The following GARRE1 variants were observed in gnomAD, a reference collection of about 807,000 sequenced individuals.
GARRE1 encodes the protein granule associated Rac and RHOG effector 1.
Under a neutral mutation model 103.2 loss-of-function variants are expected in GARRE1, and 49 were observed. The observed-to-expected ratio is 0.47, with a 90% CI of 0.38 to 0.60. The LOEUF (loss-of-function observed/expected upper bound fraction) is 0.60, where lower values mean the gene tolerates loss of function less well. GARRE1 is among the 20% of genes least tolerant of loss of function. The pLI, the probability that GARRE1 is intolerant of heterozygous loss-of-function variation, is 0.00. For synonymous variants in GARRE1, 505 were observed against 532.8 expected, an observed-to-expected ratio of 0.95 and a Z score of 0.72; for missense variants, 1,199 against 1,370.5, an observed-to-expected ratio of 0.87 and a Z score of 1.98.
chr19:34,326,921 G>A (rs1416848652), intron 3 of GARRE1, among the ~76,000 whole-genome samples: 2 of 152,062 alleles, frequency 1.3e-5, no homozygotes, highest in African/African-American at 4.8e-5. Flanking sequence ...TCGGGAGGCC[G>A]AGGTGGGTGG....
chr19:34,330,901 ATTTT>A (rs35469834), intron 7 of GARRE1, among the ~76,000 whole-genome samples: 1 of 138,398 alleles, frequency 7.2e-6, no homozygotes, highest in Non-Finnish European at 1.6e-5. Context: ...CATCTGGCTA[ATTTT>A]TTTTTTTTTT....
At chr19:34,352,223 G>A (rs1315287871) in intron 13 of GARRE1, among the ~76,000 whole-genome samples, 3 of 151,898 alleles carry the variant, frequency 2.0e-5, no homozygotes, top group African/African-American at 7.3e-5. Flanking sequence ...CTAACACGGT[G>A]AAATCCCATC....
chr19:34,258,775 G>GGT (rs1435997843), intron 1 of GARRE1, among the ~76,000 whole-genome samples: 4 of 147,310 alleles, frequency 2.7e-5, no homozygotes, highest in Non-Finnish European at 4.5e-5. Flanking sequence ...GGGCGACAGA[G>GGT]TAAGACTCCG....
At chr19:34,349,556 G>A (rs564365234) in intron 12 of GARRE1, among the ~76,000 whole-genome samples, 19 of 152,308 alleles carry the variant, frequency 1.2e-4, no homozygotes, top group South Asian at 8.3e-4. Flanking sequence ...TCTGAATGGC[G>A]TTTCAAAGTT....
intron 4 of GARRE1, 47 bp downstream of exon 4, chr19:34,327,608 A>G (rs1568307430): frequency 3.7e-6 from 6 of 1,600,986 alleles, no homozygotes; most frequent in Non-Finnish European, 5.1e-6. Context: ...GATAGAAACA[A>G]GGGAGGGAGT....
At position 34,311,952 on chromosome 19, in the gene GARRE1, A is replaced by AT. The variant is rs533895664; in HGVS notation, c.496-7946dup. On this transcript the variant is annotated intron_variant, in intron 2 of 13. Transcript: ENST00000299505. ...AGCCACTGTATTGGTTTTGGGTTTG[A>AT]TTTTTTTTTAATTAAAAATTATTAT... Among the ~76,000 whole-genome samples, 75 of 150,976 alleles carry AT rather than the reference A, an allele frequency of 5.0e-4. 1 individual carries two copies. Among genetic ancestry groups the AT allele is most frequent in the South Asian group, 4.4e-3 (21 of 4,746 alleles).
intron 1 of GARRE1, among the ~76,000 whole-genome samples, chr19:34,259,545 C>T (rs1218681533): frequency 6.6e-6 from 1 of 152,202 alleles, no homozygotes; most frequent in Admixed American, 6.5e-5. Flanking sequence ...TTATAAGTGC[C>T]TAGAAGGGGA....
chr19:34,284,569 G>T (rs1418869308), intron 1 of GARRE1, among the ~76,000 whole-genome samples: 1 of 152,170 alleles, frequency 6.6e-6, no homozygotes, highest in Admixed American at 6.6e-5. Flanking sequence ...ATGTTGAAAA[G>T]ATGTTACTTA....
intron 1 of GARRE1, among the ~76,000 whole-genome samples, chr19:34,287,370 T>G (rs960667755): frequency 6.6e-6 from 1 of 152,130 alleles, no homozygotes; most frequent in Non-Finnish European, 1.5e-5. Flanking sequence ...TTGCCCAGAC[T>G]GGACTCGAAG....
chr19:34,346,560 A>G (rs111797228), intron 10 of GARRE1, among the ~76,000 whole-genome samples: 3 of 152,182 alleles, frequency 2.0e-5, no homozygotes, highest in Non-Finnish European at 4.4e-5. Context: ...GGCCAAAGTC[A>G]TCATCTGATT....
chr19:34,310,672 A>G (rs971643577), intron 2 of GARRE1, among the ~76,000 whole-genome samples: 1 of 152,230 alleles, frequency 6.6e-6, no homozygotes, highest in South Asian at 2.1e-4. Flanking sequence ...GACAAGGACA[A>G]TAAAAGCACT....
chr19:34,309,307 T>C (rs991827195), intron 2 of GARRE1, among the ~76,000 whole-genome samples: 2 of 152,128 alleles, frequency 1.3e-5, no homozygotes, highest in Non-Finnish European at 2.9e-5. Flanking sequence ...AGTTAAGCAA[T>C]ATAACAACCA....
intron 1 of GARRE1, among the ~76,000 whole-genome samples, chr19:34,284,926 A>G (rs1277261563): frequency 6.6e-6 from 1 of 152,172 alleles, no homozygotes; most frequent in Non-Finnish European, 1.5e-5. Flanking sequence ...GCACGGTGGC[A>G]TATGCCTGTA....
At chr19:34,304,697 G>A (rs1366381031) in intron 2 of GARRE1, among the ~76,000 whole-genome samples, 1 of 151,730 alleles carries the variant, frequency 6.6e-6, no homozygotes, top group African/African-American at 2.4e-5. Flanking sequence ...ATTTCTAATT[G>A]TTTCTATGAT....
chr19:34,343,584 GC>G (rs2074197038), intron 10 of GARRE1, among the ~76,000 whole-genome samples: 1 of 151,962 alleles, frequency 6.6e-6, no homozygotes, highest in Admixed American at 6.6e-5. Context: ...GATGTCTCAT[GC>G]CTGTAATTTC....
chr19:34,303,495 G>A lies in GARRE1; in HGVS notation c.495+2527G>A, dbSNP rs143674245. The stretch of plus-strand genomic sequence containing the variant: ...AAGGAATTTCCAAGAAGAACTTAGA[G>A]TTATTTCTTAAGAGACACAGCATCA... On this transcript the variant is annotated intron_variant, in intron 2 of 13. Coordinates refer to ENST00000299505, the MANE Select transcript of GARRE1 (RefSeq NM_014686.5). Among the ~76,000 whole-genome samples the A allele has an allele frequency of 5.2e-3, 793 of 152,336 alleles. 4 individuals are homozygous for A. Among genetic ancestry groups the A allele is most frequent in the Non-Finnish European group, 8.2e-3 (559 of 68,028 alleles).
In GARRE1 at chr19:34,333,685, T is replaced by G. The variant is rs2074147767; in HGVS notation, c.1264-19T>G. ...AAAGCTGGTTGTTATTTGTTTTTTTTTTTTTTTTTCGATCTTAGGTGGTGG... is the reference window on the plus strand; with the variant it reads ...AAAGCTGGTTGTTATTTGTTTTTTTGTTTTTTTTTCGATCTTAGGTGGTGG... On this transcript the variant is annotated intron_variant, in intron 7 of 13. Coordinates refer to ENST00000299505, the MANE Select transcript of GARRE1 (RefSeq NM_014686.5). 1 of 1,263,264 alleles carries G rather than the reference T, an allele frequency of 7.9e-7. No homozygotes were observed. The allele number at this position is 1,263,264 out of a possible 1,614,324, so 78.3% of individuals were successfully genotyped here.
intron 2 of GARRE1, among the ~76,000 whole-genome samples, chr19:34,307,677 A>G (rs2074014523): frequency 4.0e-5 from 2 of 50,130 alleles, no homozygotes; most frequent in East Asian, 2.9e-4. Flanking sequence ...ATACTTATAT[A>G]TACATATATA....
At chr19:34,264,789 G>T (rs2073741738) in intron 1 of GARRE1, among the ~76,000 whole-genome samples, 1 of 152,160 alleles carries the variant, frequency 6.6e-6, no homozygotes, top group Non-Finnish European at 1.5e-5. Flanking sequence ...TCAGTGAAGT[G>T]TGGTTGCTCT....
Sources: allele counts gnomAD v4.1 joint callset (sites outside exome capture counted in the v4.1 genomes callset), GRCh38; gene constraint gnomAD v4.1.1; transcripts MANE v1.5; gene names NCBI Gene and HGNC (gene_info 2026-07-23, HGNC 2026-07-21).